The following SUCLG2 variants were observed in gnomAD, a reference collection of about 807,000 sequenced individuals.
SUCLG2 encodes the protein succinate-CoA ligase GDP-forming subunit beta.
In SUCLG2, 42 loss-of-function variants were observed where a neutral mutation model predicts 47.9. The ratio of observed to expected loss-of-function variants is 0.88; its 90% CI spans 0.69 to 1.14. The LOEUF (loss-of-function observed/expected upper bound fraction) is 1.14. Among genes scored for constraint, SUCLG2 ranks in the 50% most tolerant of loss-of-function variants. The probability of loss-of-function intolerance (pLI) is 0.00; values close to 1 mark genes in which losing one functional copy is unlikely to be tolerated. For synonymous variants in SUCLG2, 195 were observed against 197.3 expected (o/e 0.99, Z 0.10); for missense variants, 571 against 525.9 (o/e 1.09, Z -0.84).
chr3:67,637,268 A>C (rs1701026321), intron 1 of SUCLG2, among the ~76,000 whole-genome samples: 1 of 152,222 alleles, frequency 6.6e-6, no homozygotes, highest in African/African-American at 2.4e-5. Flanking sequence ...AATCTTAATA[A>C]GCCCACAGTA....
chr3:67,450,558 T>C (rs1704032223), intron 9 of SUCLG2, among the ~76,000 whole-genome samples: 1 of 152,230 alleles, frequency 6.6e-6, no homozygotes, highest in Non-Finnish European at 1.5e-5. Context: ...AATTGAACAG[T>C]GAACACCTAT....
At chr3:67,388,941 C>A (rs1702316268) in intron 10 of SUCLG2, among the ~76,000 whole-genome samples, 1 of 152,026 alleles carries the variant, frequency 6.6e-6, no homozygotes, top group African/African-American at 2.4e-5. Context: ...TCAAGTAAGT[C>A]ATCATCCATA....
At chr3:67,601,211 T>G (rs908989852) in intron 2 of SUCLG2, among the ~76,000 whole-genome samples, 2 of 152,218 alleles carry the variant, frequency 1.3e-5, no homozygotes, top group African/African-American at 4.8e-5. Flanking sequence ...CATATACATA[T>G]GTACACAGAA....
At chr3:67,607,934 A>T (rs933980848) in intron 2 of SUCLG2, among the ~76,000 whole-genome samples, 2 of 152,186 alleles carry the variant, frequency 1.3e-5, no homozygotes, top group Non-Finnish European at 2.9e-5. Flanking sequence ...GAGTCCACTA[A>T]ATCTCTTTCC....
chr3:67,360,837 T>C, intron 10 of SUCLG2: 34 of 1,262,578 alleles, frequency 2.7e-5, no homozygotes, highest in Non-Finnish European at 3.6e-5. Context: ...AACAACAGTA[T>C]GGTATTCCTA....
chr3:67,567,390 G>A (rs956001817), intron 2 of SUCLG2, among the ~76,000 whole-genome samples: 3 of 151,706 alleles, frequency 2.0e-5, no homozygotes, highest in Admixed American at 2.0e-4. Context: ...CAAACTCCTG[G>A]ACTCAATCAG....
intron 1 of SUCLG2, among the ~76,000 whole-genome samples, chr3:67,609,892 T>C (rs1019341375): frequency 5.9e-5 from 9 of 152,230 alleles, no homozygotes; most frequent in Admixed American, 2.6e-4. Context: ...TTGCTTTTGA[T>C]ATTGTACCAC....
chr3:67,407,315 T>C (rs1467002712), intron 9 of SUCLG2, among the ~76,000 whole-genome samples: 1 of 152,216 alleles, frequency 6.6e-6, no homozygotes, highest in Non-Finnish European at 1.5e-5. Context: ...GATATATCTT[T>C]GATAACACTT....
At chr3:67,516,023 C>G (rs190892156) in intron 6 of SUCLG2, among the ~76,000 whole-genome samples, 29 of 152,216 alleles carry the variant, frequency 1.9e-4, no homozygotes, top group Admixed American at 1.8e-3. Flanking sequence ...TCTCAGCCAG[C>G]AGGCAGATAT....
chr3:67,456,487 A>T (rs1704189439), intron 9 of SUCLG2, among the ~76,000 whole-genome samples: 1 of 152,176 alleles, frequency 6.6e-6, no homozygotes, highest in Non-Finnish European at 1.5e-5. Context: ...TAGATAGTAA[A>T]GGAAGATGTA....
At chr3:67,530,320 C>T (rs1706368786) in intron 2 of SUCLG2, among the ~76,000 whole-genome samples, 1 of 152,184 alleles carries the variant, frequency 6.6e-6, no homozygotes, top group Non-Finnish European at 1.5e-5. Context: ...AATGCTTTAT[C>T]CCAGAGCCTG....
intron 9 of SUCLG2, among the ~76,000 whole-genome samples, chr3:67,489,175 G>A (rs532904924): frequency 3.3e-5 from 5 of 152,264 alleles, no homozygotes; most frequent in Admixed American, 3.3e-4. Context: ...TTACTGAGAA[G>A]TATTGGCAGG....
chr3:67,422,472 T>TAAA (rs1559520249), intron 9 of SUCLG2, among the ~76,000 whole-genome samples: 1 of 12,324 alleles, frequency 8.1e-5, no homozygotes, highest in African/African-American at 3.7e-4. Context: ...AGACTCCATC[T>TAAA]CAAAAAAAAA....
intron 9 of SUCLG2, among the ~76,000 whole-genome samples, chr3:67,458,548 C>T (rs1303044919): frequency 6.6e-6 from 1 of 152,180 alleles, no homozygotes; most frequent in Non-Finnish European, 1.5e-5. Context: ...CAATAACTCA[C>T]TGAACGTCTA....
chr3:67,394,134 T>C (rs970444182), intron 10 of SUCLG2, among the ~76,000 whole-genome samples: 3 of 152,120 alleles, frequency 2.0e-5, no homozygotes, highest in Admixed American at 6.5e-5. Flanking sequence ...TCCAAAGGAA[T>C]GCAGTTCCTC....
At chr3:67,626,579 G>A (rs1294179062) in intron 1 of SUCLG2, among the ~76,000 whole-genome samples, 1 of 152,202 alleles carries the variant, frequency 6.6e-6, no homozygotes, top group Admixed American at 6.5e-5. Flanking sequence ...AACTAACGCT[G>A]AAGGAGAAAA....
intron 6 of SUCLG2, among the ~76,000 whole-genome samples, chr3:67,509,815 G>A (rs551451376): frequency 6.6e-6 from 1 of 152,216 alleles, no homozygotes; most frequent in South Asian, 2.1e-4. Flanking sequence ...TGCCAGCCTC[G>A]GATTACTTGC....
At chr3:67,401,049 T>G (rs538349582) in intron 9 of SUCLG2, among the ~76,000 whole-genome samples, 198 bp from the exon 10 acceptor site, 2 of 152,170 alleles carry the variant, frequency 1.3e-5, no homozygotes, top group Admixed American at 1.3e-4. Context: ...AATATCACAA[T>G]ATAACATTAC....
intron 2 of SUCLG2, among the ~76,000 whole-genome samples, chr3:67,597,702 G>A (rs1029447007): frequency 1.3e-5 from 2 of 152,112 alleles, no homozygotes; most frequent in Non-Finnish European, 2.9e-5. Context: ...CACTTTGGGA[G>A]GCCAAGGCGG....
Sources: allele counts gnomAD v4.1 joint callset (sites outside exome capture counted in the v4.1 genomes callset), GRCh38; gene constraint gnomAD v4.1.1; transcripts MANE v1.5; gene names NCBI Gene and HGNC (gene_info 2026-07-23, HGNC 2026-07-21).